SEMA3A: variants seen among roughly 807,000 people sequenced by gnomAD.
The protein encoded by SEMA3A is semaphorin 3A.
In SEMA3A, 29 loss-of-function variants were observed where a neutral mutation model predicts 97.9. That is an observed-to-expected ratio of 0.30 (90% CI 0.22 to 0.40). The LOEUF (loss-of-function observed/expected upper bound fraction) is 0.40, where lower values mean the gene tolerates loss of function less well. Among genes scored for constraint, SEMA3A ranks in the 10% least tolerant of loss-of-function variants. The pLI is 1.00. For synonymous variants in SEMA3A, 321 were observed against 323.7 expected, an observed-to-expected ratio of 0.99 and a Z score of 0.09; for missense variants, 763 against 951.3, an observed-to-expected ratio of 0.80 and a Z score of 2.60.
chr7:84,486,477 A>G (rs1172003253), intron 1 of SEMA3A, among the ~76,000 whole-genome samples: 3 of 152,200 alleles, frequency 2.0e-5, no homozygotes, highest in Non-Finnish European at 2.9e-5. Context: ...AAGTCTACCA[A>G]GCATATTACG....
chr7:84,356,666 G>T (rs1159170026), intron 2 of SEMA3A, among the ~76,000 whole-genome samples: 1 of 151,780 alleles, frequency 6.6e-6, no homozygotes, highest in South Asian at 2.1e-4. Context: ...TGATATTTTT[G>T]TTTTTTTGAT....
chr7:84,316,571 A>T (rs2115890469), intron 2 of SEMA3A, among the ~76,000 whole-genome samples: 1 of 152,270 alleles, frequency 6.6e-6, no homozygotes, highest in Non-Finnish European at 1.5e-5. Flanking sequence ...TCTATATATT[A>T]AAATTATGCT....
At chr7:84,249,796 A>G (rs1799564941) in intron 3 of SEMA3A, among the ~76,000 whole-genome samples, 1 of 151,932 alleles carries the variant, frequency 6.6e-6, no homozygotes, top group South Asian at 2.1e-4. Flanking sequence ...AAAAAAAAAA[A>G]ATTGTCAAGT....
chr7:84,423,599 A>T (rs958905346), intron 1 of SEMA3A, among the ~76,000 whole-genome samples: 5 of 152,032 alleles, frequency 3.3e-5, no homozygotes, highest in African/African-American at 1.2e-4. Context: ...TATATCATCT[A>T]TATCTATATT....
intron 1 of SEMA3A, among the ~76,000 whole-genome samples, chr7:84,421,329 G>A (rs914603380): frequency 6.6e-6 from 1 of 151,992 alleles, no homozygotes; most frequent in African/African-American, 2.4e-5. Flanking sequence ...CATAAAAGTT[G>A]TGAGAGTTTG....
chr7:84,074,166 C>A (rs1383908761), intron 4 of SEMA3A, among the ~76,000 whole-genome samples: 1 of 152,130 alleles, frequency 6.6e-6, no homozygotes, highest in Non-Finnish European at 1.5e-5. Flanking sequence ...TATTGAACCT[C>A]AGCCCTCATT....
chr7:84,001,944 G>A lies in SEMA3A; in HGVS notation c.1452+11C>T, dbSNP rs1344150544. 6.3e-7 allele frequency: 1 copy of A among 1,587,564 alleles called. No individual in the cohort carries two copies. On this transcript the variant is annotated intron_variant, in intron 12 of 16. Coordinates refer to ENST00000265362, the MANE Select transcript of SEMA3A (RefSeq NM_006080.3). Reference sequence around the variant, plus strand: ...TGAACTTGTTGACACTTGAAATTAAGCAGCACTCACCCGAAAAACTGTCAT... The same window carrying A: ...TGAACTTGTTGACACTTGAAATTAAACAGCACTCACCCGAAAAACTGTCAT...
chr7:84,002,238 T>C (rs898689430), intron 11 of SEMA3A, among the ~76,000 whole-genome samples, 192 bp from the exon 12 acceptor site: 1 of 152,148 alleles, frequency 6.6e-6, no homozygotes, highest in Non-Finnish European at 1.5e-5. Flanking sequence ...AGTGTAAAGG[T>C]AAACTATAAA....
At chr7:84,239,205 C>T (rs954192985) in intron 3 of SEMA3A, among the ~76,000 whole-genome samples, 1 of 152,082 alleles carries the variant, frequency 6.6e-6, no homozygotes, top group African/African-American at 2.4e-5. Context: ...TAGGTAAAAC[C>T]AAGCATTTAA....
At chr7:84,279,653 A>G (rs1191815419) in intron 3 of SEMA3A, among the ~76,000 whole-genome samples, 2 of 152,162 alleles carry the variant, frequency 1.3e-5, no homozygotes, top group African/African-American at 2.4e-5. Context: ...CAATTTTTCA[A>G]TAAGTTTGAA....
chr7:84,278,058 G>A (rs1800353185), intron 3 of SEMA3A, among the ~76,000 whole-genome samples: 1 of 152,050 alleles, frequency 6.6e-6, no homozygotes, highest in Non-Finnish European at 1.5e-5. Context: ...TCCTGCATAT[G>A]AGTATTGGTT....
chr7:84,412,216 G>C (rs549996808), intron 1 of SEMA3A, among the ~76,000 whole-genome samples: 26 of 152,120 alleles, frequency 1.7e-4, no homozygotes, highest in Non-Finnish European at 3.4e-4. Flanking sequence ...GGCTACAGGA[G>C]GTCACAGGTT....
intron 6 of SEMA3A, among the ~76,000 whole-genome samples, chr7:84,015,523 T>C (rs1053494708): frequency 4.6e-5 from 7 of 152,306 alleles, no homozygotes; most frequent in Admixed American, 3.9e-4. Flanking sequence ...AAGCTAAGTG[T>C]ACCTCACTGA....
intron 1 of SEMA3A, among the ~76,000 whole-genome samples, chr7:84,458,209 CA>C (rs1274285247): frequency 6.6e-6 from 1 of 151,964 alleles, no homozygotes; most frequent in African/African-American, 2.4e-5. Context: ...TGTTTACAGG[CA>C]ATGCTTCACG....
intron 12 of SEMA3A, among the ~76,000 whole-genome samples, chr7:83,988,970 A>T (rs1307180878): frequency 1.3e-5 from 2 of 151,612 alleles, no homozygotes; most frequent in Non-Finnish European, 2.9e-5. Context: ...CAGCTTTTTT[A>T]AAAAAAGTTG....
At chr7:84,156,463 C>A (rs1031982129) in intron 1 of SEMA3A, among the ~76,000 whole-genome samples, 1 of 152,032 alleles carries the variant, frequency 6.6e-6, no homozygotes. Flanking sequence ...CCAATATAAT[C>A]TATTAGAAAA....
intron 3 of SEMA3A, among the ~76,000 whole-genome samples, chr7:84,244,497 G>T (rs1031016034): frequency 2.0e-5 from 3 of 152,074 alleles, no homozygotes; most frequent in Non-Finnish European, 4.4e-5. Context: ...CACATGAGAT[G>T]GGTGTCTTAA....
At chr7:83,965,236 GC>G (rs1340089486) in intron 15 of SEMA3A, among the ~76,000 whole-genome samples, 1 of 151,776 alleles carries the variant, frequency 6.6e-6, no homozygotes, top group Non-Finnish European at 1.5e-5. Flanking sequence ...ACCGCGTCCG[GC>G]CCGTTTAAAC....
At chr7:84,221,999 G>A (rs1002591838) in intron 3 of SEMA3A, among the ~76,000 whole-genome samples, 4 of 151,580 alleles carry the variant, frequency 2.6e-5, no homozygotes, top group African/African-American at 4.8e-5. Context: ...AACAAGATAC[G>A]CCCGTATATC....
Sources: allele counts gnomAD v4.1 joint callset (sites outside exome capture counted in the v4.1 genomes callset), GRCh38; gene constraint gnomAD v4.1.1; transcripts MANE v1.5; gene names NCBI Gene and HGNC (gene_info 2026-07-23, HGNC 2026-07-21).